GALNT18: variants seen among roughly 807,000 people sequenced by gnomAD.
The protein encoded by GALNT18 is GalNAc-transferase 18.
GALNT18 carries 44 observed loss-of-function variants against 69.5 expected under a neutral mutation model. The observed-to-expected ratio is 0.63, with a 90% CI of 0.50 to 0.81. The LOEUF is 0.81. Ranked by LOEUF, GALNT18 falls within the 40% of genes least tolerant of loss-of-function variation. GALNT18 has a pLI of 0.00. For synonymous variants in GALNT18, 364 were observed against 318.2 expected (o/e 1.14, Z -1.53); for missense variants, 715 against 810.0 (o/e 0.88, Z 1.42).
chr11:11,316,842 C>A (rs1590032987), intron 9 of GALNT18, among the ~76,000 whole-genome samples: 1 of 152,210 alleles, frequency 6.6e-6, no homozygotes, highest in Non-Finnish European at 1.5e-5. Context: ...CTGTGATCAT[C>A]TAAGTTCCTG....
At chr11:11,330,332 A>T (rs1033471873) in intron 8 of GALNT18, among the ~76,000 whole-genome samples, 1 of 152,252 alleles carries the variant, frequency 6.6e-6, no homozygotes, top group African/African-American at 2.4e-5. Flanking sequence ...TAGGATAAAA[A>T]TAATTACCAG....
At position 11,621,822 on chromosome 11, in the gene GALNT18, T is replaced by A; in HGVS notation, c.-229A>T. ...ACCTTGACAAAGGAAACCAGGTGGATTTTTTTCCAAATTAAAAATCCCTGA... is the reference window on the plus strand; with the variant it reads ...ACCTTGACAAAGGAAACCAGGTGGAATTTTTTCCAAATTAAAAATCCCTGA... On this transcript the variant is annotated 5_prime_UTR_variant, in exon 1 of 11. Coordinates refer to ENST00000227756, the MANE Select transcript of GALNT18 (RefSeq NM_198516.3). The surrounding 1 kb of genome is among the most constrained non-coding windows in gnomAD (Gnocchi z 9.3). The A allele has an allele frequency of 1.8e-6, 1 of 562,386 alleles. No homozygotes were observed. Among genetic ancestry groups the A allele is most frequent in the Non-Finnish European group, 3.2e-6 (1 of 316,148 alleles). The allele number at this position is 562,386 out of a possible 1,614,324, so 34.8% of individuals were successfully genotyped here.
intron 1 of GALNT18, among the ~76,000 whole-genome samples, chr11:11,512,730 T>G (rs927274565): frequency 1.3e-5 from 2 of 152,226 alleles, no homozygotes; most frequent in African/African-American, 4.8e-5. Context: ...TGGCGGCACC[T>G]GAGGCCTGGG....
rs374185011 is a variant in GALNT18 at position 11,372,467 on chromosome 11, C to A, written c.1092+48G>T. On this transcript the variant is annotated intron_variant, in intron 6 of 10. Coordinates refer to ENST00000227756, the MANE Select transcript of GALNT18 (RefSeq NM_198516.3). This position sits in a 1 kb window ranked among gnomAD's most constrained non-coding sequence, Gnocchi z 4.9. Reference sequence around the variant, plus strand: ...ATTTCTCCACCCCCAGACTCATTCACCCTGGTGGGAGCTGAGCCGAGCAGT... The same window carrying A: ...ATTTCTCCACCCCCAGACTCATTCAACCTGGTGGGAGCTGAGCCGAGCAGT... The A allele has an allele frequency of 6.8e-5, 100 of 1,461,922 alleles. No homozygotes were observed. The African/African-American group carries it at 1.2e-3, about 18-fold the overall frequency. 90.6% of individuals were successfully genotyped at this position (1,461,922 alleles called of 1,614,324 possible). A position where few individuals can be genotyped will look rare whatever the true frequency, so the allele number is the denominator to read the frequency against.
chr11:11,308,248 A>C (rs549406142), intron 9 of GALNT18, among the ~76,000 whole-genome samples: 74 of 152,310 alleles, frequency 4.9e-4, no homozygotes, highest in African/African-American at 1.7e-3. Context: ...ATCACATAGC[A>C]CAGATTTCCT....
rs1856095318 is a variant in GALNT18 at position 11,463,666 on chromosome 11, GA to G, written c.236-14731del. 6.6e-6 allele frequency among the ~76,000 whole-genome samples: 1 copy of G among 152,094 alleles called. No homozygotes were observed. Among genetic ancestry groups the G allele is most frequent in the African/African-American group, 2.4e-5 (1 of 41,414 alleles). On this transcript the variant is annotated intron_variant, in intron 1 of 10. Coordinates refer to ENST00000227756, the MANE Select transcript of GALNT18 (RefSeq NM_198516.3). The surrounding 1 kb of genome is among the most constrained non-coding windows in gnomAD (Gnocchi z 4.2). ...TCAGGGAGAAGTGGATTTGTCCTTCGAAAAAACTGAACAAACAGGCCCTCCC... is the reference window on the plus strand; with the variant it reads ...TCAGGGAGAAGTGGATTTGTCCTTCGAAAAACTGAACAAACAGGCCCTCCC...
intron 3 of GALNT18, among the ~76,000 whole-genome samples, chr11:11,399,736 G>A (rs1055128850): frequency 2.6e-5 from 4 of 152,150 alleles, no homozygotes. Flanking sequence ...TTATAAATTA[G>A]GAACAATAAC....
At chr11:11,281,129 A>G (rs1023136872) in intron 10 of GALNT18, among the ~76,000 whole-genome samples, 4 of 152,192 alleles carry the variant, frequency 2.6e-5, no homozygotes, top group African/African-American at 9.7e-5. Context: ...AGCAGCACGC[A>G]GGCAGGGGAC....
chr11:11,589,001 C>G (rs1025796102), intron 1 of GALNT18, among the ~76,000 whole-genome samples: 2 of 152,180 alleles, frequency 1.3e-5, no homozygotes, highest in African/African-American at 4.8e-5. Flanking sequence ...ACACTAAGCC[C>G]TATCTTGGGA....
At chr11:11,434,116 G>A (rs1855342027) in intron 2 of GALNT18, among the ~76,000 whole-genome samples, 1 of 152,140 alleles carries the variant, frequency 6.6e-6, no homozygotes, top group Non-Finnish European at 1.5e-5. Context: ...AAATCACCAT[G>A]GGGCCCCAGC....
At chr11:11,447,548 G>A (rs1371261336) in intron 2 of GALNT18, among the ~76,000 whole-genome samples, 1 of 152,174 alleles carries the variant, frequency 6.6e-6, no homozygotes, top group Non-Finnish European at 1.5e-5. Context: ...AGAAATACCT[G>A]TGACTGGGTA....
rs774268169 is a variant in GALNT18 at position 11,500,280 on chromosome 11, C to T, written c.236-51344G>A. Among the ~76,000 whole-genome samples, 2 of 152,168 alleles carry T rather than the reference C, an allele frequency of 1.3e-5. No homozygotes were observed. Among genetic ancestry groups the T allele is most frequent in the Non-Finnish European group, 2.9e-5 (2 of 68,034 alleles). ...CAAGAACCTGCAGGAGGCTGGCCTC[C>T]CGGGAGTCCCTAATACTGGCGGACA... On this transcript the variant is annotated intron_variant, in intron 1 of 10. Coordinates refer to ENST00000227756, the MANE Select transcript of GALNT18 (RefSeq NM_198516.3). The surrounding 1 kb of genome is among the most constrained non-coding windows in gnomAD (Gnocchi z 5.0).
chr11:11,378,938 A>G (rs1853840793), intron 4 of GALNT18, 143 bp downstream of exon 4: 2 of 789,490 alleles, frequency 2.5e-6, no homozygotes. Context: ...TGCCTGGCTC[A>G]CTCACACACC....
At chr11:11,532,140 G>A (rs1413276643) in intron 1 of GALNT18, among the ~76,000 whole-genome samples, 1 of 152,024 alleles carries the variant, frequency 6.6e-6, no homozygotes, top group Admixed American at 6.6e-5. Flanking sequence ...GTCTCTACCT[G>A]GCCCAACAGC....
At chr11:11,294,537 A>T (rs1849361632) in intron 9 of GALNT18, among the ~76,000 whole-genome samples, 1 of 151,742 alleles carries the variant, frequency 6.6e-6, no homozygotes. Flanking sequence ...AGCTCTGCAA[A>T]CTCCTTTCTG....
At chr11:11,292,741 T>C (rs1249752114) in intron 10 of GALNT18, among the ~76,000 whole-genome samples, 1 of 151,992 alleles carries the variant, frequency 6.6e-6, no homozygotes, top group Middle Eastern at 3.2e-3. Flanking sequence ...TTTCCTTATA[T>C]CTAAAAAGTA....
At chr11:11,530,115 C>T (rs902853064) in intron 1 of GALNT18, among the ~76,000 whole-genome samples, 2 of 152,126 alleles carry the variant, frequency 1.3e-5, no homozygotes, top group Admixed American at 1.3e-4. Flanking sequence ...GGCTCATTCA[C>T]ATGCACCGGC....
At chr11:11,293,665 C>G (rs1435913722) in intron 9 of GALNT18, among the ~76,000 whole-genome samples, 1 of 151,472 alleles carries the variant, frequency 6.6e-6, no homozygotes, top group African/African-American at 2.4e-5. Context: ...CCTCCGTCTC[C>G]TGAGTAGCTG....
At chr11:11,296,322 A>G (rs11021764) in intron 9 of GALNT18, among the ~76,000 whole-genome samples, 36,478 of 152,146 alleles carry the variant, frequency 0.24, 5,362 homozygotes, top group Middle Eastern at 0.39. Flanking sequence ...ATATCCAGAA[A>G]GACTGCCCTG....
Sources: allele counts gnomAD v4.1 joint callset (sites outside exome capture counted in the v4.1 genomes callset), GRCh38; gene constraint gnomAD v4.1.1; non-coding constraint Gnocchi (gnomAD v3.1); transcripts MANE v1.5; gene names NCBI Gene and HGNC (gene_info 2026-07-23, HGNC 2026-07-21).